The following ATP8A2 variants were observed in gnomAD, a reference collection of about 807,000 sequenced individuals.
ATP8A2 encodes phospholipid-transporting ATPase IB.
In ATP8A2, 100 loss-of-function variants were observed where a neutral mutation model predicts 165.6. That is an observed-to-expected ratio of 0.60 (90% confidence interval 0.51 to 0.71). ATP8A2 has a LOEUF of 0.71. Among genes scored for constraint, ATP8A2 ranks in the 30% least tolerant of loss-of-function variants. The probability of loss-of-function intolerance (pLI) is 0.00; values close to 1 mark genes in which losing one functional copy is unlikely to be tolerated. For missense variants in ATP8A2, 1,227 were observed against 1,479.5 expected, an observed-to-expected ratio of 0.83 and a Z score of 2.80; for synonymous variants, 543 against 548.8, an observed-to-expected ratio of 0.99 and a Z score of 0.15.
At chr13:25,467,241 A>G (rs2035693205) in intron 1 of ATP8A2, among the ~76,000 whole-genome samples, 1 of 152,204 alleles carries the variant, frequency 6.6e-6, no homozygotes, top group African/African-American at 2.4e-5. Flanking sequence ...GGAAAACTGG[A>G]GTGTGCCTGG....
chr13:25,734,928 C>T (rs1462616114), intron 25 of ATP8A2, among the ~76,000 whole-genome samples: 1 of 152,128 alleles, frequency 6.6e-6, no homozygotes, highest in Non-Finnish European at 1.5e-5. Flanking sequence ...CGTGAGCTAC[C>T]ATGCCTGGCC....
At chr13:25,507,366 A>G (rs981669008) in intron 2 of ATP8A2, among the ~76,000 whole-genome samples, 3 of 151,826 alleles carry the variant, frequency 2.0e-5, no homozygotes, top group African/African-American at 7.3e-5. Flanking sequence ...CCCAGGTTCT[A>G]GCAATTCTCC....
At chr13:25,752,632 A>G (rs1364838619) in intron 25 of ATP8A2, among the ~76,000 whole-genome samples, 2 of 152,130 alleles carry the variant, frequency 1.3e-5, no homozygotes, top group African/African-American at 4.8e-5. Context: ...TTTTGTGTTT[A>G]GAGACAGGGT....
intron 33 of ATP8A2, among the ~76,000 whole-genome samples, chr13:25,903,391 T>G (rs1953824966): frequency 6.6e-6 from 1 of 152,106 alleles, no homozygotes; most frequent in South Asian, 2.1e-4. Context: ...CAATCTCACA[T>G]GTCACTTCCC....
At chr13:25,404,750 G>A (rs994545187) in intron 1 of ATP8A2, among the ~76,000 whole-genome samples, 1 of 152,002 alleles carries the variant, frequency 6.6e-6, no homozygotes, top group Non-Finnish European at 1.5e-5. Context: ...GTGTCTGTGT[G>A]GGGGAGGGCA....
intron 25 of ATP8A2, among the ~76,000 whole-genome samples, chr13:25,756,739 C>G (rs545026253): frequency 1.7e-4 from 26 of 152,248 alleles, no homozygotes; most frequent in Non-Finnish European, 3.2e-4. Context: ...GTGGAAAGCA[C>G]TTAGCCCAGT....
chr13:25,598,316 C>G (rs181054363), intron 24 of ATP8A2, among the ~76,000 whole-genome samples: 1 of 151,946 alleles, frequency 6.6e-6, no homozygotes, highest in Non-Finnish European at 1.5e-5. Flanking sequence ...TTTTTAAAGA[C>G]TGTTTTGGTC....
At chr13:25,968,789 T>G (rs1231565123) in intron 35 of ATP8A2, 110 bp downstream of exon 35, 2 of 811,714 alleles carry the variant, frequency 2.5e-6, no homozygotes, top group Non-Finnish European at 4.0e-6. Context: ...GAGCACAGTA[T>G]GCTCAGGCTT....
At chr13:25,622,497 A>G (rs1012455934) in intron 24 of ATP8A2, among the ~76,000 whole-genome samples, 2 of 152,194 alleles carry the variant, frequency 1.3e-5, no homozygotes, top group African/African-American at 4.8e-5. Flanking sequence ...CTGCCCTCCC[A>G]TACTTTGGGA....
At chr13:25,815,105 A>G (rs1238851578) in intron 27 of ATP8A2, among the ~76,000 whole-genome samples, 2 of 152,132 alleles carry the variant, frequency 1.3e-5, no homozygotes, top group Non-Finnish European at 2.9e-5. Flanking sequence ...AACTCTTAGA[A>G]GAAGACATAA....
chr13:25,646,197 T>G (rs2041666208), intron 24 of ATP8A2, among the ~76,000 whole-genome samples: 1 of 152,206 alleles, frequency 6.6e-6, no homozygotes, highest in Non-Finnish European at 1.5e-5. Context: ...AGTTTTTTAC[T>G]TATAAAGTCT....
chr13:25,890,667 G>C lies in ATP8A2; in HGVS notation c.3183+28259G>C, dbSNP rs1480511136. 2.6e-5 allele frequency among the ~76,000 whole-genome samples: 4 copies of C among 152,144 alleles called. No homozygotes were observed. In the South Asian group the frequency reaches 6.2e-4, roughly 24 times the overall value. ...CATTTTTCTGGGACAGACTGATTTT[G>C]AGCATAAGTCTGTGTAGTAGAAATA... On this transcript the variant is annotated intron_variant, in intron 33 of 36. Coordinates refer to ENST00000381655, the MANE Select transcript of ATP8A2 (RefSeq NM_016529.6).
intron 25 of ATP8A2, among the ~76,000 whole-genome samples, chr13:25,745,086 G>A (rs7334476): frequency 0.085 from 12,980 of 152,042 alleles, 815 homozygotes; most frequent in East Asian, 0.24. Flanking sequence ...GACTACAGGC[G>A]CCTGCCACCA....
chr13:25,756,365 C>T (rs144809067), intron 25 of ATP8A2, among the ~76,000 whole-genome samples: 72 of 132,788 alleles, frequency 5.4e-4, no homozygotes, highest in East Asian at 1.7e-3. Flanking sequence ...CTTGCTCTTT[C>T]GTCCAGGCTG....
intron 27 of ATP8A2, among the ~76,000 whole-genome samples, chr13:25,778,623 G>A (rs562135907): frequency 2.6e-5 from 4 of 152,144 alleles, no homozygotes; most frequent in African/African-American, 7.2e-5. Context: ...CCAGTGTCTG[G>A]CACAATGTCT....
At chr13:25,629,819 T>C (rs1247664445) in intron 24 of ATP8A2, among the ~76,000 whole-genome samples, 1 of 152,198 alleles carries the variant, frequency 6.6e-6, no homozygotes, top group African/African-American at 2.4e-5. Context: ...ACATATACGG[T>C]GTAAATTGTT....
chr13:25,641,056 C>G (rs576807738), intron 24 of ATP8A2, among the ~76,000 whole-genome samples: 5 of 152,096 alleles, frequency 3.3e-5, no homozygotes, highest in African/African-American at 1.2e-4. Context: ...ATTCAACAGC[C>G]CTTCTTGCTA....
chr13:25,857,571 T>C (rs1411172201), intron 30 of ATP8A2, among the ~76,000 whole-genome samples: 21 of 35,822 alleles, frequency 5.9e-4, no homozygotes, highest in African/African-American at 2.2e-3. Context: ...TTTTTTTTCC[T>C]TTTTTTTTTT....
intron 24 of ATP8A2, among the ~76,000 whole-genome samples, chr13:25,597,831 A>T (rs2040276770): frequency 6.6e-6 from 1 of 151,404 alleles, no homozygotes; most frequent in Non-Finnish European, 1.5e-5. Flanking sequence ...CAGTATAAAC[A>T]CCTTTTGAAG....
Sources: allele counts gnomAD v4.1 joint callset (sites outside exome capture counted in the v4.1 genomes callset), GRCh38; gene constraint gnomAD v4.1.1; transcripts MANE v1.5; gene names NCBI Gene and HGNC (gene_info 2026-07-23, HGNC 2026-07-21).